Variants in ENOX1 observed in about 807,000 individuals in gnomAD.
The protein encoded by ENOX1 is ecto-NOX disulfide-thiol exchanger 1.
Under a neutral mutation model 82.5 loss-of-function variants are expected in ENOX1, and 42 were observed. The observed-to-expected ratio is 0.51, with a 90% CI of 0.40 to 0.66. The LOEUF (loss-of-function observed/expected upper bound fraction) is 0.66, where lower values mean the gene tolerates loss of function less well. Among genes scored for constraint, ENOX1 ranks in the 30% least tolerant of loss-of-function variants. The probability of loss-of-function intolerance (pLI) is 0.00; values close to 1 mark genes in which losing one functional copy is unlikely to be tolerated. For synonymous variants in ENOX1, 271 were observed against 282.2 expected (o/e 0.96, Z 0.40); for missense variants, 608 against 811.6 (o/e 0.75, Z 3.05).
rs1447261965 is a variant in ENOX1, at chr13:43,322,504, G to A, written c.1144-3C>T. On this transcript the variant is annotated splice_polypyrimidine_tract_variant and splice_region_variant and intron_variant, in intron 10 of 16. Coordinates refer to ENST00000690772, the MANE Select transcript of ENOX1 (RefSeq NM_001347969.2). The stretch of plus-strand genomic sequence containing the variant: ...TCACTTTGAGCATTCCGGAGCTCCT[G>A]CAAGTAGAGGATACACAAATGTCAG... 5 of 1,611,778 alleles carry A rather than the reference G, an allele frequency of 3.1e-6. No homozygotes were observed. The African/African-American group carries it at 5.3e-5, about 17-fold the overall frequency.
At chr13:43,449,886 G>A (rs2056864201) in intron 3 of ENOX1, among the ~76,000 whole-genome samples, 1 of 152,114 alleles carries the variant, frequency 6.6e-6, no homozygotes, top group Admixed American at 6.6e-5. Context: ...TCTATCTAAA[G>A]CATATATACC....
chr13:43,456,054 C>T (rs2057212450), intron 3 of ENOX1, among the ~76,000 whole-genome samples: 1 of 152,074 alleles, frequency 6.6e-6, no homozygotes, highest in Non-Finnish European at 1.5e-5. Flanking sequence ...ATTTTATATT[C>T]TTCTATAAGT....
chr13:43,607,184 A>G (rs1420205243), intron 2 of ENOX1, among the ~76,000 whole-genome samples: 1 of 152,218 alleles, frequency 6.6e-6, no homozygotes, highest in Non-Finnish European at 1.5e-5. Context: ...TATGCATTGT[A>G]TGCATGTATC....
At chr13:43,525,765 T>C (rs534696966) in intron 2 of ENOX1, among the ~76,000 whole-genome samples, 1 of 152,254 alleles carries the variant, frequency 6.6e-6, no homozygotes, top group East Asian at 1.9e-4. Context: ...TTATTAGCCA[T>C]TTGTATATCT....
At chr13:43,275,555 T>G (rs924043226) in intron 12 of ENOX1, among the ~76,000 whole-genome samples, 1 of 150,150 alleles carries the variant, frequency 6.7e-6, no homozygotes, top group East Asian at 2.0e-4. Flanking sequence ...TAGATAGATA[T>G]AGACAGTGAC....
intron 1 of ENOX1, among the ~76,000 whole-genome samples, chr13:43,743,769 T>G (rs1447982966): frequency 6.6e-6 from 1 of 152,230 alleles, no homozygotes; most frequent in Non-Finnish European, 1.5e-5. Context: ...TTTGTAATGC[T>G]ATAACAGAAT....
intron 1 of ENOX1, among the ~76,000 whole-genome samples, chr13:43,669,225 G>A (rs1386679180): frequency 6.6e-6 from 1 of 152,204 alleles, no homozygotes; most frequent in Non-Finnish European, 1.5e-5. Flanking sequence ...TCAGGAAAAT[G>A]TCTTCAGCAA....
At chr13:43,543,382 AG>A (rs1452552161) in intron 2 of ENOX1, among the ~76,000 whole-genome samples, 1 of 152,184 alleles carries the variant, frequency 6.6e-6, no homozygotes, top group Non-Finnish European at 1.5e-5. Flanking sequence ...TGTATGTAAT[AG>A]AGGTAACATT....
chr13:43,754,060 A>ACATATATACC, intron 1 of ENOX1, among the ~76,000 whole-genome samples: 1 of 142,836 alleles, frequency 7.0e-6, no homozygotes, highest in South Asian at 2.1e-4. Context: ...ATATATATAC[A>ACATATATACC]TATATACGTA....
rs183618527 is a variant in ENOX1 at position 43,763,963 on chromosome 13, T to C, written c.-285+22689A>G. On this transcript the variant is annotated intron_variant, in intron 1 of 16. Coordinates refer to ENST00000690772, the MANE Select transcript of ENOX1 (RefSeq NM_001347969.2). Reference sequence around the variant, plus strand: ...AATTTGTATCCTAGACCTATGAGAATTTATCTGATTCCTGAAGAATCCCAA... The same window carrying C: ...AATTTGTATCCTAGACCTATGAGAACTTATCTGATTCCTGAAGAATCCCAA... Among the ~76,000 whole-genome samples, 327 of 152,346 alleles carry C rather than the reference T, an allele frequency of 2.1e-3. 2 individuals carry two copies. Among genetic ancestry groups the C allele is most frequent in the Non-Finnish European group, 3.4e-3 (232 of 68,036 alleles).
intron 12 of ENOX1, among the ~76,000 whole-genome samples, chr13:43,297,466 AG>A (rs2153506446): frequency 6.6e-6 from 1 of 152,280 alleles, no homozygotes; most frequent in East Asian, 1.9e-4. Context: ...GTATATTCAG[AG>A]GGATAATTTA....
chr13:43,681,767 G>A (rs975179226), intron 1 of ENOX1, among the ~76,000 whole-genome samples: 1 of 147,962 alleles, frequency 6.8e-6, no homozygotes, highest in Non-Finnish European at 1.5e-5. Context: ...GCACATTCTC[G>A]TTGTCACTTT....
intron 1 of ENOX1, among the ~76,000 whole-genome samples, chr13:43,740,379 A>C (rs770899496): frequency 6.6e-6 from 1 of 152,190 alleles, no homozygotes; most frequent in Non-Finnish European, 1.5e-5. Context: ...ACTGAGATAT[A>C]ATTGGCATAT....
intron 1 of ENOX1, among the ~76,000 whole-genome samples, chr13:43,733,530 T>G (rs1180489030): frequency 6.6e-6 from 1 of 152,206 alleles, no homozygotes. Context: ...GAATGCTCCA[T>G]AGAAAAAGAC....
intron 1 of ENOX1, among the ~76,000 whole-genome samples, chr13:43,742,576 T>C (rs902717350): frequency 2.0e-5 from 3 of 152,188 alleles, no homozygotes; most frequent in African/African-American, 7.2e-5. Context: ...AATTCAAATG[T>C]TAATCTCTTT....
chr13:43,359,978 A>C lies in ENOX1; in HGVS notation c.462T>G (p.Thr154=), dbSNP rs757874151. 13 of 1,614,222 alleles carry C rather than the reference A, an allele frequency of 8.1e-6. No homozygotes were observed. The highest frequency in any genetic ancestry group is 1.1e-5 in the South Asian group (1 of 91,080). The change falls in exon 7 of 17, where the codon ACT becomes ACG. Residue 154 remains threonine, a synonymous_variant. Coordinates refer to ENST00000690772, the MANE Select transcript of ENOX1 (RefSeq NM_001347969.2). ...VFVGGLPENA[T]EEIIQEVFEQ... is the part of the protein sequence containing the mutation. ...CAAAGACTTCTTGAATAATTTCCTC[A>C]GTAGCATTTTCTGGTAATCCTCCGA... is the stretch of plus-strand genomic sequence containing the variant.
chr13:43,757,630 T>A (rs769551403), intron 1 of ENOX1, among the ~76,000 whole-genome samples: 1 of 152,154 alleles, frequency 6.6e-6, no homozygotes, highest in Non-Finnish European at 1.5e-5. Context: ...AATACACACC[T>A]ATCAGAGTGG....
chr13:43,347,615 CT>C (rs1455383361), intron 8 of ENOX1, among the ~76,000 whole-genome samples: 1 of 152,144 alleles, frequency 6.6e-6, no homozygotes, highest in Non-Finnish European at 1.5e-5. Flanking sequence ...CAATACTCAA[CT>C]GTAAATTCAA....
At chr13:43,298,237 T>A in intron 12 of ENOX1, 109 bp downstream of exon 12, 1 of 1,160,776 alleles carries the variant, frequency 8.6e-7, no homozygotes. Context: ...AGCTTTTTGG[T>A]TGTCATTTCT....
Sources: allele counts gnomAD v4.1 joint callset (sites outside exome capture counted in the v4.1 genomes callset), GRCh38; gene constraint gnomAD v4.1.1; transcripts MANE v1.5; gene names NCBI Gene and HGNC (gene_info 2026-07-23, HGNC 2026-07-21).